The following OR4A16 variants were observed in gnomAD, a reference collection of about 807,000 sequenced individuals.
OR4A16 encodes olfactory receptor 4A16.
For synonymous variants in OR4A16, 210 were observed against 138.6 expected (o/e 1.51, Z -3.62); for missense variants, 594 against 390.9 (o/e 1.52, Z -4.38).
rs1279941659 is a variant in OR4A16, at chr11:55,343,494, G to A, written c.294G>A (p.Gln98=). ...IAISLSACMG[Q]LFIEHLLGGA... is the part of the protein sequence containing the mutation. ...TTTCCTTGTCAGCTTGCATGGGTCA[G>A]CTCTTCATAGAACACTTACTTGGTG... The change falls in exon 1 of 1, where the codon CAG becomes CAA. Residue 98 remains glutamine, a synonymous_variant. Transcript: ENST00000314721. The A allele has an allele frequency of 1.2e-6, 2 of 1,613,920 alleles. No homozygotes were observed. Among genetic ancestry groups the A allele is most frequent in the Non-Finnish European group, 1.7e-6 (2 of 1,179,894 alleles).
Position 55,343,360 on chromosome 11 carries a change from G to A in OR4A16, c.160G>A (p.Gly54Ser), listed in dbSNP as rs771979124. ...GACTACTATTGGCAGCCCCTCCTTG[G>A]GCTCCCTAATGTACTTCTTCCTTGC... ...WVTTIGSPSL[G>S]SLMYFFLAYL... Residue 54 changes from glycine (G) to serine (S), a missense_variant, in exon 1 of 1, where the codon GGC (glycine) becomes AGC (serine). Physicochemically the swap from Gly to Ser is moderately conservative, Grantham distance 56. Transcript: ENST00000314721. 2 of 1,613,774 alleles carry A rather than the reference G, an allele frequency of 1.2e-6. No individual in the cohort carries two copies. The highest frequency in any genetic ancestry group is 2.2e-5 in the South Asian group (2 of 91,062).
Position 55,343,393 on chromosome 11 carries a change from T to C in OR4A16, c.193T>C (p.Ser65Pro). 2 of 1,613,886 alleles carry C rather than the reference T, an allele frequency of 1.2e-6. No homozygotes were observed. The highest frequency in any genetic ancestry group is 1.1e-5 in the South Asian group (1 of 91,074). ...SLMYFFLAYL[S>P]LMDAIYSTAM... Reference sequence around the variant, plus strand: ...AATGTACTTCTTCCTTGCCTACTTGTCACTTATGGATGCCATATATTCCAC... The same window carrying C: ...AATGTACTTCTTCCTTGCCTACTTGCCACTTATGGATGCCATATATTCCAC... Residue 65 changes from serine to proline, a missense_variant, in exon 1 of 1, where the codon TCA (serine) becomes CCA (proline). Coordinates refer to ENST00000314721, the MANE Select transcript of OR4A16 (RefSeq NM_001005274.1).
chr11:55,343,464 C>T lies in OR4A16; in HGVS notation c.264C>T (p.Ile88=), dbSNP rs763768417. Residue 88 remains isoleucine, a synonymous_variant, in exon 1 of 1, where the codon ATC becomes ATT. Coordinates refer to ENST00000314721, the MANE Select transcript of OR4A16 (RefSeq NM_001005274.1). Reference sequence around the variant, plus strand: ...TGATAGACTTACTCTGTGATAAAATCGCTATTTCCTTGTCAGCTTGCATGG... The same window carrying T: ...TGATAGACTTACTCTGTGATAAAATTGCTATTTCCTTGTCAGCTTGCATGG... ...KLMIDLLCDK[I]AISLSACMGQ... 3.1e-6 allele frequency: 5 copies of T among 1,613,860 alleles called. No homozygotes were observed. Among genetic ancestry groups the T allele is most frequent in the Non-Finnish European group, 3.4e-6 (4 of 1,179,884 alleles).
Position 55,343,431 on chromosome 11 carries a change from C to G in OR4A16, c.231C>G (p.Pro77=), listed in dbSNP as rs148621575. The G allele has an allele frequency of 1.9e-6, 3 of 1,613,860 alleles. No individual in the cohort carries two copies. The highest frequency in any genetic ancestry group is 2.5e-6 in the Non-Finnish European group (3 of 1,179,896). Residue 77 remains proline, a synonymous_variant, in exon 1 of 1, where the codon CCC becomes CCG. Transcript: ENST00000314721. ...MDAIYSTAMS[P]KLMIDLLCDK... ...CCATATATTCCACTGCCATGTCACC[C>G]AAATTGATGATAGACTTACTCTGTG... is the stretch of plus-strand genomic sequence containing the variant.
rs548070218 is a variant in OR4A16 at position 55,343,858 on chromosome 11, C to T, written c.658C>T (p.Leu220=). 3.7e-6 allele frequency: 6 copies of T among 1,613,620 alleles called. No homozygotes were observed. The highest frequency in any genetic ancestry group is 5.1e-6 in the Non-Finnish European group (6 of 1,179,868). Residue 220 remains leucine, a synonymous_variant, in exon 1 of 1, where the codon CTA becomes TTA. Transcript: ENST00000314721. ...TFLLISCGVI[L]NFLKTYSQEE... is the part of the protein sequence containing the mutation. The stretch of plus-strand genomic sequence containing the variant: ...TCTGCTAATCTCCTGTGGAGTCATC[C>T]TAAACTTCCTTAAAACTTACAGTCA...
chr11:55,343,769 C>T lies in OR4A16; in HGVS notation c.569C>T (p.Thr190Ile). ...TTGTTGGAACTGTTGTGCCTTGACA[C>T]CTACTTTATAGGACTCACTGTGGTT... ...YPLLELLCLD[T>I]YFIGLTVVAN... Residue 190 changes from threonine (T) to isoleucine (I), a missense_variant, in exon 1 of 1, where the codon ACC becomes ATC. Coordinates refer to ENST00000314721, the MANE Select transcript of OR4A16 (RefSeq NM_001005274.1). 1 of 1,613,710 alleles carries T rather than the reference C, an allele frequency of 6.2e-7. No individual in the cohort carries two copies. The highest frequency in any genetic ancestry group is 8.5e-7 in the Non-Finnish European group (1 of 1,179,788).
At position 55,343,463 on chromosome 11, in the gene OR4A16, T is replaced by C; in HGVS notation, c.263T>C (p.Ile88Thr). The change falls in exon 1 of 1, where the codon ATC becomes ACC. Residue 88 changes from isoleucine to threonine, a missense_variant. Coordinates refer to ENST00000314721, the MANE Select transcript of OR4A16 (RefSeq NM_001005274.1). ...ATGATAGACTTACTCTGTGATAAAA[T>C]CGCTATTTCCTTGTCAGCTTGCATG... is the stretch of plus-strand genomic sequence containing the variant. ...KLMIDLLCDK[I>T]AISLSACMGQ... 1 of 1,613,874 alleles carries C rather than the reference T, an allele frequency of 6.2e-7. No individual in the cohort carries two copies. The highest frequency in any genetic ancestry group is 1.3e-5 in the African/African-American group (1 of 75,002).
Position 55,343,429 on chromosome 11 carries a change from C to T in OR4A16, c.229C>T (p.Pro77Ser). The change falls in exon 1 of 1, where the codon CCC becomes TCC. Residue 77 changes from proline (P) to serine (S), a missense_variant. Pro to Ser is a moderately conservative substitution (Grantham distance 74). Transcript: ENST00000314721. ...TGCCATATATTCCACTGCCATGTCA[C>T]CCAAATTGATGATAGACTTACTCTG... ...MDAIYSTAMS[P>S]KLMIDLLCDK... 4 of 1,613,852 alleles carry T rather than the reference C, an allele frequency of 2.5e-6. No homozygotes were observed. The highest frequency in any genetic ancestry group is 4.5e-5 in the East Asian group (2 of 44,822).
In OR4A16 at chr11:55,343,363, T is replaced by C. The variant is rs747184853; in HGVS notation, c.163T>C (p.Ser55Pro). The C allele has an allele frequency of 1.9e-6, 3 of 1,613,878 alleles. No individual in the cohort carries two copies. The highest frequency in any genetic ancestry group is 2.5e-6 in the Non-Finnish European group (3 of 1,179,886). The change falls in exon 1 of 1, where the codon TCC (serine) becomes CCC (proline). Residue 55 changes from serine to proline, a missense_variant. By Grantham distance (74) the Ser-to-Pro change is moderately conservative. Coordinates refer to ENST00000314721, the MANE Select transcript of OR4A16 (RefSeq NM_001005274.1). ...TACTATTGGCAGCCCCTCCTTGGGC[T>C]CCCTAATGTACTTCTTCCTTGCCTA... ...VTTIGSPSLG[S>P]LMYFFLAYLS... is the part of the protein sequence containing the mutation.
rs761456259 is a variant in OR4A16 at position 55,343,539 on chromosome 11, G to A, written c.339G>A (p.Leu113=). The change falls in exon 1 of 1, where the codon TTG becomes TTA. Residue 113 remains leucine (L), a synonymous_variant. Coordinates refer to ENST00000314721, the MANE Select transcript of OR4A16 (RefSeq NM_001005274.1). ...TTGGTGGTGCAGAGGTCTTCCTTTT[G>A]GTGGTGATGGCCTATGATCGCTATG... The part of the protein sequence containing the change: ...HLLGGAEVFL[L]VVMAYDRYVA... 1 of 1,613,866 alleles carries A rather than the reference G, an allele frequency of 6.2e-7. No homozygotes were observed. The highest frequency in any genetic ancestry group is 1.7e-5 in the Admixed American group (1 of 59,982).
Position 55,344,165 on chromosome 11 carries a change from C to T in OR4A16, c.965C>T (p.Ser322Phe), listed in dbSNP as rs1853475970. ...ACACTGAACATATTTATTCCTAGTT[C>T]TAAGGCAACAAATAGGCGGTAAAAT... ...SPTLNIFIPSSKATNRR is the reference protein window; with the variant it reads ...SPTLNIFIPSFKATNRR The change falls in exon 1 of 1, where the codon TCT becomes TTT. Residue 322 changes from serine (S) to phenylalanine (F), a missense_variant. Transcript: ENST00000314721. The T allele has an allele frequency of 6.3e-7, 1 of 1,586,550 alleles. No homozygotes were observed. The highest frequency in any genetic ancestry group is 2.2e-5 in the East Asian group (1 of 44,520).
Position 55,343,909 on chromosome 11 carries a change from A to T in OR4A16, c.709A>T (p.Thr237Ser). Residue 237 changes from threonine (T) to serine (S), a missense_variant, in exon 1 of 1, where the codon ACC (threonine) becomes TCC (serine). Thr to Ser is a moderately conservative substitution (Grantham distance 58). Transcript: ENST00000314721. ...GGAAGAGAGGCATAAAGCCCTGCCT[A>T]CCTGCATCTCCCACATCATTGTGGT... ...SQEERHKALP[T>S]CISHIIVVAL... The T allele has an allele frequency of 6.2e-7, 1 of 1,613,784 alleles. No homozygotes were observed.
Position 55,343,304 on chromosome 11 carries a change from T to C in OR4A16, c.104T>C (p.Val35Ala). The C allele has an allele frequency of 6.2e-7, 1 of 1,613,740 alleles. No individual in the cohort carries two copies. Among genetic ancestry groups the C allele is most frequent in the African/African-American group, 1.3e-5 (1 of 75,046 alleles). Reference protein sequence around the residue: ...LFVMFLLIYIVTMVGNLLIWV... With the variant: ...LFVMFLLIYIATMVGNLLIWV... Reference sequence around the variant, plus strand: ...GTCATGTTTTTACTCATATACATTGTGACAATGGTGGGAAACCTCCTCATT... The same window carrying C: ...GTCATGTTTTTACTCATATACATTGCGACAATGGTGGGAAACCTCCTCATT... The change falls in exon 1 of 1, where the codon GTG becomes GCG. Residue 35 changes from valine (V) to alanine (A), a missense_variant. By Grantham distance (64) the Val-to-Ala change is moderately conservative. Coordinates refer to ENST00000314721, the MANE Select transcript of OR4A16 (RefSeq NM_001005274.1).
In OR4A16 at chr11:55,343,783, C is replaced by T. The variant is rs537679007; in HGVS notation, c.583C>T (p.Leu195Phe). The change falls in exon 1 of 1, where the codon CTC becomes TTC. Residue 195 changes from leucine to phenylalanine, a missense_variant. By Grantham distance (22) the Leu-to-Phe change is conservative. Coordinates refer to ENST00000314721, the MANE Select transcript of OR4A16 (RefSeq NM_001005274.1). Reference protein sequence around the residue: ...LLCLDTYFIGLTVVANGGIIC... With the variant: ...LLCLDTYFIGFTVVANGGIIC... ...GTGCCTTGACACCTACTTTATAGGACTCACTGTGGTTGCCAATGGTGGAAT... is the reference window on the plus strand; with the variant it reads ...GTGCCTTGACACCTACTTTATAGGATTCACTGTGGTTGCCAATGGTGGAAT... 4 of 1,613,792 alleles carry T rather than the reference C, an allele frequency of 2.5e-6. No individual in the cohort carries two copies. The highest frequency in any genetic ancestry group is 3.4e-6 in the Non-Finnish European group (4 of 1,179,814).
rs144905099 is a variant in OR4A16 at position 55,343,580 on chromosome 11, C to T, written c.380C>T (p.Pro127Leu). 262 of 1,613,846 alleles carry T rather than the reference C, an allele frequency of 1.6e-4. No individual in the cohort carries two copies. Among genetic ancestry groups the T allele is most frequent in the Non-Finnish European group, 2.0e-4 (237 of 1,179,900 alleles). Residue 127 changes from proline (P) to leucine (L), a missense_variant, in exon 1 of 1, where the codon CCG becomes CTG. Coordinates refer to ENST00000314721, the MANE Select transcript of OR4A16 (RefSeq NM_001005274.1). ...GATCGCTATGTGGCTATCTCTAAGCCGCTGCACTATTTGAACATCATGAAT... is the reference window on the plus strand; with the variant it reads ...GATCGCTATGTGGCTATCTCTAAGCTGCTGCACTATTTGAACATCATGAAT... ...AYDRYVAISKPLHYLNIMNRL... is the reference protein window; with the variant it reads ...AYDRYVAISKLLHYLNIMNRL...
In OR4A16 at chr11:55,343,489, G is replaced by A; in HGVS notation, c.289G>A (p.Gly97Ser). Residue 97 changes from glycine (G) to serine (S), a missense_variant, in exon 1 of 1, where the codon GGT becomes AGT. Gly to Ser is a moderately conservative substitution (Grantham distance 56). Transcript: ENST00000314721. ...CGCTATTTCCTTGTCAGCTTGCATG[G>A]GTCAGCTCTTCATAGAACACTTACT... ...KIAISLSACM[G>S]QLFIEHLLGG... 1.9e-6 allele frequency: 3 copies of A among 1,613,874 alleles called. No homozygotes were observed. The highest frequency in any genetic ancestry group is 2.5e-6 in the Non-Finnish European group (3 of 1,179,878).
In OR4A16 at chr11:55,343,744, T is replaced by A; in HGVS notation, c.544T>A (p.Leu182Met). 6.2e-7 allele frequency: 1 copy of A among 1,613,828 alleles called. No individual in the cohort carries two copies. The highest frequency in any genetic ancestry group is 8.5e-7 in the Non-Finnish European group (1 of 1,179,822). ...IDHSVCDMYP[L>M]LELLCLDTYF... ...CCACTCTGTCTGTGACATGTACCCA[T>A]TGTTGGAACTGTTGTGCCTTGACAC... The change falls in exon 1 of 1, where the codon TTG becomes ATG. Residue 182 changes from leucine (L) to methionine (M), a missense_variant. Physicochemically the swap from Leu to Met is conservative, Grantham distance 15. Transcript: ENST00000314721.
rs139771656 is a variant in OR4A16 at position 55,343,361 on chromosome 11, G to C, written c.161G>C (p.Gly54Ala). 199 of 1,613,644 alleles carry C rather than the reference G, an allele frequency of 1.2e-4. No individual in the cohort carries two copies. Among genetic ancestry groups the C allele is most frequent in the Middle Eastern group, 1.6e-4 (1 of 6,080 alleles). Residue 54 changes from glycine (G) to alanine (A), a missense_variant, in exon 1 of 1, where the codon GGC becomes GCC. Coordinates refer to ENST00000314721, the MANE Select transcript of OR4A16 (RefSeq NM_001005274.1). The stretch of plus-strand genomic sequence containing the variant: ...ACTACTATTGGCAGCCCCTCCTTGG[G>C]CTCCCTAATGTACTTCTTCCTTGCC... ...WVTTIGSPSL[G>A]SLMYFFLAYL...
In OR4A16 at chr11:55,343,740, C is replaced by CCCA; in HGVS notation, c.541_543dup (p.Pro181dup). The CCCA allele has an allele frequency of 1.2e-6, 2 of 1,613,696 alleles. No homozygotes were observed. The highest frequency in any genetic ancestry group is 1.7e-6 in the Non-Finnish European group (2 of 1,179,754). On this transcript the variant is annotated inframe_insertion, in exon 1 of 1. Coordinates refer to ENST00000314721, the MANE Select transcript of OR4A16 (RefSeq NM_001005274.1). ...TTGACCACTCTGTCTGTGACATGTA[C>CCCA]CCATTGTTGGAACTGTTGTGCCTTG...
Sources: gnomAD v4.1 joint callset for allele counts on GRCh38, gnomAD v4.1.1 for gene constraint, MANE v1.5 for transcripts, NCBI Gene and HGNC (gene_info 2026-07-23, HGNC 2026-07-21) for gene names.